SLC12A5: variants seen among roughly 807,000 people sequenced by gnomAD.
SLC12A5 encodes the protein K-Cl cotransporter 2.
A neutral mutation model predicts 124.0 loss-of-function variants in SLC12A5; 18 were observed. That is an observed-to-expected ratio of 0.15 (90% CI 0.10 to 0.22). The LOEUF (loss-of-function observed/expected upper bound fraction) is 0.22. Ranked by LOEUF, SLC12A5 falls within the 10% of genes least tolerant of loss-of-function variation. The probability of loss-of-function intolerance (pLI) is 1.00; values close to 1 mark genes in which losing one functional copy is unlikely to be tolerated. For synonymous variants in SLC12A5, 589 were observed against 568.0 expected, an observed-to-expected ratio of 1.04 and a Z score of -0.53; for missense variants, 867 against 1,478.7, an observed-to-expected ratio of 0.59 and a Z score of 6.78.
Position 46,053,827 on chromosome 20 carries a change from A to C in SLC12A5, c.2679+118A>C, listed in dbSNP as rs2084666752. On this transcript the variant is annotated intron_variant, in intron 20 of 25. Transcript: ENST00000243964. The surrounding 1 kb of genome is among the most constrained non-coding windows in gnomAD (Gnocchi z 4.7). ...TATGATGCTGGATCCTTTCCCCCTC[A>C]TCCATCTCTTAGCCTCTCACATATT... The C allele has an allele frequency of 1.7e-6, 2 of 1,171,358 alleles. No homozygotes were observed. The highest frequency in any genetic ancestry group is 3.1e-5 in the African/African-American group (2 of 63,622). 72.6% of individuals were successfully genotyped at this position (1,171,358 alleles called of 1,614,324 possible).
intron 1 of SLC12A5, among the ~76,000 whole-genome samples, chr20:46,030,383 C>T (rs1015365150): frequency 6.6e-6 from 1 of 152,224 alleles, no homozygotes; most frequent in Non-Finnish European, 1.5e-5. Flanking sequence ...CAAGTCCTTT[C>T]GCTGCTCCCG....
chr20:46,039,267 A>C (rs2084523749), intron 6 of SLC12A5, among the ~76,000 whole-genome samples: 1 of 152,038 alleles, frequency 6.6e-6, no homozygotes. Context: ...GATGTGCATA[A>C]AGAATAGATT....
intron 2 of SLC12A5, 53 bp from the exon 3 acceptor site, chr20:46,035,351 G>A (rs1238034743): frequency 1.3e-6 from 2 of 1,582,206 alleles, no homozygotes. Context: ...TCGCCACCCA[G>A]CTCACTCCAC....
In SLC12A5 at chr20:46,041,669, G is replaced by A. The variant is rs891791391; in HGVS notation, c.1066+129G>A. 9.7e-5 allele frequency: 87 copies of A among 899,956 alleles called. No individual in the cohort carries two copies. In the Middle Eastern group the frequency reaches 2.9e-3, roughly 30 times the overall value. The allele number at this position is 899,956 out of a possible 1,614,324, so 55.7% of individuals were successfully genotyped here. On this transcript the variant is annotated intron_variant, in intron 8 of 25. Transcript: ENST00000243964. ...AGCTTTAATTGAGCACCTACTCTGA[G>A]TTACATTCTGTCCTTGGCATCAGGG...
chr20:46,043,130 C>G, intron 8 of SLC12A5, 23 bp from the exon 9 acceptor site: 2 of 1,611,150 alleles, frequency 1.2e-6, no homozygotes, highest in Non-Finnish European at 8.5e-7. Context: ...TGGCCTCCCC[C>G]TGAGCATTCT....
chr20:46,053,857 C>T lies in SLC12A5; in HGVS notation c.2679+148C>T. 1 of 920,358 alleles carries T rather than the reference C, an allele frequency of 1.1e-6. No individual in the cohort carries two copies. Among genetic ancestry groups the T allele is most frequent in the South Asian group, 1.9e-5 (1 of 52,800 alleles). 57.0% of individuals were successfully genotyped at this position (920,358 alleles called of 1,614,324 possible). ...TCTCTTAGCCTCTCACATATTCAGCCATCCCTCCCTTCTCTATAAAAGTAG... is the reference window on the plus strand; with the variant it reads ...TCTCTTAGCCTCTCACATATTCAGCTATCCCTCCCTTCTCTATAAAAGTAG... On this transcript the variant is annotated intron_variant, in intron 20 of 25. Coordinates refer to ENST00000243964, the MANE Select transcript of SLC12A5 (RefSeq NM_020708.5). This position sits in a 1 kb window ranked among gnomAD's most constrained non-coding sequence, Gnocchi z 4.7.
In SLC12A5 at chr20:46,044,990, C is replaced by G; in HGVS notation, c.1419C>G (p.Asn473Lys). 1 of 1,614,216 alleles carries G rather than the reference C, an allele frequency of 6.2e-7. No individual in the cohort carries two copies. The highest frequency in any genetic ancestry group is 8.5e-7 in the Non-Finnish European group (1 of 1,180,022). The change falls in exon 12 of 26, where the codon AAC becomes AAG. Residue 473 changes from asparagine to lysine, a missense_variant. Coordinates refer to ENST00000243964, the MANE Select transcript of SLC12A5 (RefSeq NM_020708.5). Reference protein sequence around the residue: ...RDKFGEAVNGNLVVGTLAWPS... With the variant: ...RDKFGEAVNGKLVVGTLAWPS... ...GGTTTGGCGAAGCTGTGAATGGCAA[C>G]CTCGTGGTGGGCACTCTGGCCTGGC...
At chr20:46,035,952 C>T (rs2084494793) in intron 4 of SLC12A5, 29 bp downstream of exon 4, 20 of 1,590,018 alleles carry the variant, frequency 1.3e-5, no homozygotes, top group Non-Finnish European at 1.7e-5. Context: ...CTCACCACCC[C>T]CTGACAGCTG....
At chr20:46,040,170 A>T (rs1054041385) in intron 6 of SLC12A5, among the ~76,000 whole-genome samples, 1 of 152,180 alleles carries the variant, frequency 6.6e-6, no homozygotes, top group Non-Finnish European at 1.5e-5. Flanking sequence ...GCCTGGCCTT[A>T]TAATGTCATT....
intron 16 of SLC12A5, 152 bp downstream of exon 16, chr20:46,048,237 C>A: frequency 1.7e-6 from 1 of 605,346 alleles, no homozygotes; most frequent in Middle Eastern, 2.7e-4. Context: ...GATTCCTTCC[C>A]ACCTGAAACA....
Position 46,048,102 on chromosome 20 carries a change from C to CGGGTGTGCATAAGAGT in SLC12A5, c.2012+19_2012+34dup. 1 of 1,598,026 alleles carries CGGGTGTGCATAAGAGT rather than the reference C, an allele frequency of 6.3e-7. No individual in the cohort carries two copies. The highest frequency in any genetic ancestry group is 8.5e-7 in the Non-Finnish European group (1 of 1,170,744). On this transcript the variant is annotated intron_variant, in intron 16 of 25. Coordinates refer to ENST00000243964, the MANE Select transcript of SLC12A5 (RefSeq NM_020708.5). ...GAACTGGAGGTTAGTGGTGAGGGCA[C>CGGGTGTGCATAAGAGT]GGGTGTGCATAAGAGTGTGTGTGCA...
chr20:46,050,761 A>T (rs2084639913), intron 17 of SLC12A5, among the ~76,000 whole-genome samples: 1 of 152,196 alleles, frequency 6.6e-6, no homozygotes, highest in African/African-American at 2.4e-5. Context: ...CGAGGTGCTC[A>T]CAGGCTGGTG....
chr20:46,046,362 T>C lies in SLC12A5; in HGVS notation c.1713T>C (p.Phe571=). 1.9e-6 allele frequency: 3 copies of C among 1,614,154 alleles called. No homozygotes were observed. Among genetic ancestry groups the C allele is most frequent in the Non-Finnish European group, 2.5e-6 (3 of 1,180,016 alleles). The change falls in exon 14 of 26, where the codon TTT becomes TTC. Residue 571 remains phenylalanine (F), a synonymous_variant. Coordinates refer to ENST00000243964, the MANE Select transcript of SLC12A5 (RefSeq NM_020708.5). ...LSMFFLMCYM[F]VNLACAVQTL... ...GGTTCTTCCTGATGTGCTACATGTT[T>C]GTGAATCTGGCCTGTGCAGTGCAGA...
chr20:46,057,210 C>T lies in SLC12A5; in HGVS notation c.3166C>T (p.Leu1056=), dbSNP rs1361834828. Reference sequence around the variant, plus strand: ...GCGGCGCATGCACACGGCCGTGCGGCTGAACGAGGTCATCGTGAAGAAATC... The same window carrying T: ...GCGGCGCATGCACACGGCCGTGCGGTTGAACGAGGTCATCGTGAAGAAATC... ...NVRRMHTAVR[L]NEVIVKKSRD... The change falls in exon 25 of 26, where the codon CTG becomes TTG. Residue 1056 remains leucine (L), a synonymous_variant. Coordinates refer to ENST00000243964, the MANE Select transcript of SLC12A5 (RefSeq NM_020708.5). This position sits in a 1 kb window ranked among gnomAD's most constrained non-coding sequence, Gnocchi z 7.1. 2.5e-6 allele frequency: 4 copies of T among 1,614,128 alleles called. No individual in the cohort carries two copies. The highest frequency in any genetic ancestry group is 3.4e-6 in the Non-Finnish European group (4 of 1,180,060).
At chr20:46,035,143 C>A in intron 2 of SLC12A5, 101 bp downstream of exon 2, 2 of 1,237,650 alleles carry the variant, frequency 1.6e-6, no homozygotes, top group African/African-American at 1.5e-5. Flanking sequence ...CTCGTCTCCA[C>A]CCCTCCCTTG....
chr20:46,023,298 C>T, intron 2 of SLC12A5: 2 of 398,572 alleles, frequency 5.0e-6, no homozygotes, highest in Non-Finnish European at 8.8e-6. Flanking sequence ...CATGAATGAC[C>T]TTACCAGCCT....
chr20:46,050,563 C>CT (rs2084638134), intron 17 of SLC12A5, among the ~76,000 whole-genome samples: 1 of 4,284 alleles, frequency 2.3e-4, no homozygotes. Flanking sequence ...GGGAGGGGCA[C>CT]CCCGATGGCT....
intron 8 of SLC12A5, among the ~76,000 whole-genome samples, chr20:46,042,131 A>C (rs911057989): frequency 6.6e-6 from 1 of 152,214 alleles, no homozygotes; most frequent in Non-Finnish European, 1.5e-5. Flanking sequence ...TGACTGGGGC[A>C]TAAAGAGCAA....
chr20:46,051,609 C>A, intron 17 of SLC12A5, 66 bp from the exon 18 acceptor site: 1 of 1,486,238 alleles, frequency 6.7e-7, no homozygotes, highest in Non-Finnish European at 9.1e-7. Flanking sequence ...GGGAAGGAGG[C>A]TACAATGGGC....
Sources: allele counts gnomAD v4.1 joint callset (sites outside exome capture counted in the v4.1 genomes callset), GRCh38; gene constraint gnomAD v4.1.1; non-coding constraint Gnocchi (gnomAD v3.1); transcripts MANE v1.5; gene names NCBI Gene and HGNC (gene_info 2026-07-23, HGNC 2026-07-21).